The following MCC variants were observed in gnomAD, a reference collection of about 807,000 sequenced individuals.
The protein encoded by MCC is colorectal mutant cancer protein.
Under a neutral mutation model 116.2 loss-of-function variants are expected in MCC, and 90 were observed. The observed-to-expected ratio is 0.77, with a 90% CI of 0.65 to 0.92. The LOEUF is 0.92. Among genes scored for constraint, MCC ranks in the 40% least tolerant of loss-of-function variants. The pLI is 0.00. For missense variants in MCC, 1,516 were observed against 1,312.2 expected (o/e 1.16, Z -2.40); for synonymous variants, 578 against 510.5 (o/e 1.13, Z -1.78).
intron 3 of MCC, among the ~76,000 whole-genome samples, chr5:113,239,330 G>A (rs1004605506): frequency 1.3e-5 from 2 of 152,138 alleles, no homozygotes; most frequent in South Asian, 2.1e-4. Context: ...GGTCTCTTTC[G>A]GAGATAAATT....
chr5:113,081,471 C>G (rs1407729151), intron 11 of MCC, among the ~76,000 whole-genome samples: 1 of 152,172 alleles, frequency 6.6e-6, no homozygotes, highest in African/African-American at 2.4e-5. Context: ...CTTCTTTGGT[C>G]TCTCCTGGGT....
At chr5:113,163,274 G>A (rs1379450001) in intron 3 of MCC, among the ~76,000 whole-genome samples, 1 of 152,112 alleles carries the variant, frequency 6.6e-6, no homozygotes, top group Non-Finnish European at 1.5e-5. Flanking sequence ...ACACACAAAG[G>A]TCATCTATTC....
chr5:113,227,711 C>G (rs1763797417), intron 3 of MCC, among the ~76,000 whole-genome samples: 1 of 152,202 alleles, frequency 6.6e-6, no homozygotes, highest in Non-Finnish European at 1.5e-5. Context: ...AGATCCAAAT[C>G]TTAAAACTAC....
chr5:113,434,033 G>A lies in MCC; in HGVS notation c.171-48821C>T. ...CCCGTGCCTTGGGCTGCATCCAGCA[G>A]TGGCTGAGGATCTCGTCGATGTGGA... On this transcript the variant is annotated intron_variant, in intron 1 of 18. Coordinates refer to ENST00000408903, the MANE Select transcript of MCC (RefSeq NM_001085377.2). This position sits in a 1 kb window ranked among gnomAD's most constrained non-coding sequence, Gnocchi z 4.2. 1 of 1,614,092 alleles carries A rather than the reference G, an allele frequency of 6.2e-7. No individual in the cohort carries two copies. The highest frequency in any genetic ancestry group is 8.5e-7 in the Non-Finnish European group (1 of 1,179,916).
Position 113,023,396 on chromosome 5 carries a change from A to C in MCC, c.*3906T>G, listed in dbSNP as rs1269240103. ...ATAGGCTGTTCCCACTGGATAAGAA[A>C]ATTTGCTGTATGTTTTCCTGAAAAA... is the stretch of plus-strand genomic sequence containing the variant. On this transcript the variant is annotated 3_prime_UTR_variant, in exon 19 of 19. Transcript: ENST00000408903. 6.6e-6 allele frequency: 1 copy of C among 152,240 alleles called. No individual in the cohort carries two copies. Among genetic ancestry groups the C allele is most frequent in the African/African-American group, 2.4e-5 (1 of 41,458 alleles). The allele number at this position is 152,240 out of a possible 1,614,324, so 9.4% of individuals were successfully genotyped here.
chr5:113,093,470 T>C (rs1755786339), intron 8 of MCC, among the ~76,000 whole-genome samples: 1 of 91,894 alleles, frequency 1.1e-5, no homozygotes, highest in Non-Finnish European at 2.2e-5. Flanking sequence ...TATCTGTTGA[T>C]CTCTCTCTCT....
At position 113,209,177 on chromosome 5, in the gene MCC, T is replaced by C. The variant is rs188821766; in HGVS notation, c.628-57755A>G. On this transcript the variant is annotated intron_variant, in intron 3 of 18. Coordinates refer to ENST00000408903, the MANE Select transcript of MCC (RefSeq NM_001085377.2). ...CCGAGAGGCTCTTACATTCCAAGAT[T>C]GATGCTCTAAGCAATTCATTAATTC... Among the ~76,000 whole-genome samples the C allele has an allele frequency of 1.7e-3, 257 of 152,326 alleles. 1 individual carries two copies. The highest frequency in any genetic ancestry group is 5.9e-3 in the African/African-American group (244 of 41,570).
At chr5:113,162,885 A>C (rs115943850) in intron 3 of MCC, among the ~76,000 whole-genome samples, 2,424 of 152,296 alleles carry the variant, frequency 0.016, 39 homozygotes, top group Non-Finnish European at 0.026. Flanking sequence ...CTTTGAAAAC[A>C]GTGGTACGTT....
At chr5:113,068,918 C>T (rs1448815127) in intron 12 of MCC, among the ~76,000 whole-genome samples, 2 of 152,192 alleles carry the variant, frequency 1.3e-5, no homozygotes, top group Non-Finnish European at 2.9e-5. Flanking sequence ...GTTCCTGATC[C>T]TTGAAACTGT....
At chr5:113,127,257 G>T (rs1758111309) in intron 5 of MCC, among the ~76,000 whole-genome samples, 1 of 152,158 alleles carries the variant, frequency 6.6e-6, no homozygotes, top group Non-Finnish European at 1.5e-5. Context: ...GTCACTGATG[G>T]GCATTTAGGT....
chr5:113,142,336 A>G (rs1325621434), intron 5 of MCC, among the ~76,000 whole-genome samples: 2 of 151,852 alleles, frequency 1.3e-5, no homozygotes, highest in East Asian at 3.9e-4. Flanking sequence ...TGCTGTCCTC[A>G]GGCTGTTCCC....
At chr5:113,278,469 C>T (rs772173140) in intron 3 of MCC, among the ~76,000 whole-genome samples, 3 of 152,132 alleles carry the variant, frequency 2.0e-5, no homozygotes, top group East Asian at 1.9e-4. Context: ...CCCAATGCAA[C>T]GGGGAACACA....
intron 2 of MCC, among the ~76,000 whole-genome samples, chr5:113,372,954 G>T (rs538266440): frequency 1.3e-5 from 2 of 152,100 alleles, no homozygotes; most frequent in Non-Finnish European, 2.9e-5. Flanking sequence ...CGAGGCGGGC[G>T]GTTCACGTGG....
intron 1 of MCC, among the ~76,000 whole-genome samples, chr5:113,450,909 A>G (rs1489926361): frequency 6.6e-6 from 1 of 152,222 alleles, no homozygotes; most frequent in African/African-American, 2.4e-5. Context: ...ATGTATTAGC[A>G]GAAGGGCCTT....
chr5:113,102,796 T>G (rs1489408129), intron 7 of MCC, among the ~76,000 whole-genome samples: 1 of 151,298 alleles, frequency 6.6e-6, no homozygotes, highest in African/African-American at 2.5e-5. Flanking sequence ...TATGAAGAGG[T>G]AGAAGGCAGT....
chr5:113,369,114 C>CT (rs536499819), intron 2 of MCC, among the ~76,000 whole-genome samples: 25 of 147,372 alleles, frequency 1.7e-4, no homozygotes, highest in African/African-American at 2.2e-4. Context: ...GAATCCAGTC[C>CT]TTTTTTTTTT....
chr5:113,280,506 T>C (rs977997), intron 3 of MCC, among the ~76,000 whole-genome samples: 20,964 of 152,126 alleles, frequency 0.14, 2,079 homozygotes, highest in Admixed American at 0.28. Flanking sequence ...CACTGTATTA[T>C]AGAATTCTAA....
At chr5:113,372,717 G>C (rs761066373) in intron 2 of MCC, among the ~76,000 whole-genome samples, 2 of 151,976 alleles carry the variant, frequency 1.3e-5, no homozygotes. Context: ...TCAGAGACTG[G>C]GTCTCGCTTT....
In MCC at chr5:113,201,755, C is replaced by A. The variant is rs181416554; in HGVS notation, c.628-50333G>T. Among the ~76,000 whole-genome samples the A allele has an allele frequency of 9.5e-4, 144 of 152,140 alleles. 2 individuals carry two copies. The highest frequency in any genetic ancestry group is 1.9e-3 in the Non-Finnish European group (129 of 67,996). Reference sequence around the variant, plus strand: ...TGGTTTAGTAAAGGTTCATTAATGCCCAAGACAACATGCCTTTCTCCTTAA... The same window carrying A: ...TGGTTTAGTAAAGGTTCATTAATGCACAAGACAACATGCCTTTCTCCTTAA... On this transcript the variant is annotated intron_variant, in intron 3 of 18. Coordinates refer to ENST00000408903, the MANE Select transcript of MCC (RefSeq NM_001085377.2).
Sources: gnomAD v4.1 joint callset for allele counts (sites outside exome capture counted in the v4.1 genomes callset) on GRCh38, gnomAD v4.1.1 for gene constraint, Gnocchi (gnomAD v3.1) non-coding constraint, MANE v1.5 for transcripts, NCBI Gene and HGNC (gene_info 2026-07-23, HGNC 2026-07-21) for gene names.